HPSE2: variants seen among roughly 807,000 people sequenced by gnomAD.
The protein encoded by HPSE2 is heparanase 2 (inactive).
A neutral mutation model predicts 60.5 loss-of-function variants in HPSE2; 38 were observed. The observed-to-expected ratio is 0.63, with a 90% CI of 0.48 to 0.82. The LOEUF is 0.82. Ranked by LOEUF, HPSE2 falls within the 40% of genes least tolerant of loss-of-function variation. HPSE2 has a pLI of 0.00. For synonymous variants in HPSE2, 295 were observed against 293.2 expected (o/e 1.01, Z -0.06); for missense variants, 713 against 740.4 (o/e 0.96, Z 0.43).
At chr10:98,951,627 T>C (rs1955359983) in intron 3 of HPSE2, among the ~76,000 whole-genome samples, 1 of 152,196 alleles carries the variant, frequency 6.6e-6, no homozygotes, top group South Asian at 2.1e-4. Context: ...GTGGCTTTAC[T>C]GGAAAATGGG....
Position 98,566,334 on chromosome 10 carries a change from C to T in HPSE2, c.1320+48570G>A, listed in dbSNP as rs549179005. Among the ~76,000 whole-genome samples the T allele has an allele frequency of 2.6e-5, 4 of 152,250 alleles. No individual in the cohort carries two copies. The South Asian group carries it at 6.2e-4, about 24-fold the overall frequency. ...TAATGACTTAACATGTGATCTTCTTCGTGGGTATTTCCATTTTAACTGAGT... is the reference window on the plus strand; with the variant it reads ...TAATGACTTAACATGTGATCTTCTTTGTGGGTATTTCCATTTTAACTGAGT... On this transcript the variant is annotated intron_variant, in intron 9 of 11. Coordinates refer to ENST00000370552, the MANE Select transcript of HPSE2 (RefSeq NM_021828.5).
rs575480131 is a variant in HPSE2 at position 98,541,992 on chromosome 10, A to T, written c.1321-51796T>A. Reference sequence around the variant, plus strand: ...TGGTTCTCCCAGCACGCAGCTGGAGATCTGAGAACGGGCAGACTGCCTCCT... The same window carrying T: ...TGGTTCTCCCAGCACGCAGCTGGAGTTCTGAGAACGGGCAGACTGCCTCCT... On this transcript the variant is annotated intron_variant, in intron 9 of 11. Transcript: ENST00000370552. Among the ~76,000 whole-genome samples the T allele has an allele frequency of 6.3e-3, 858 of 136,934 alleles. 5 individuals are homozygous for T. Among genetic ancestry groups the T allele is most frequent in the South Asian group, 0.022 (77 of 3,564 alleles). The allele number at this position is 136,934 out of a possible 152,430, so 89.8% of individuals were successfully genotyped here.
intron 3 of HPSE2, among the ~76,000 whole-genome samples, chr10:99,118,897 T>A (rs1194560174): frequency 6.6e-6 from 1 of 151,766 alleles, no homozygotes; most frequent in Non-Finnish European, 1.5e-5. Flanking sequence ...GGCACCTGTA[T>A]TCCCAGCTAC....
At chr10:98,468,652 T>C (rs1274122761) in intron 11 of HPSE2, among the ~76,000 whole-genome samples, 3 of 152,118 alleles carry the variant, frequency 2.0e-5, no homozygotes, top group Non-Finnish European at 4.4e-5. Context: ...CAATTTTCAA[T>C]AGTATGCGGC....
At chr10:99,288,665 T>C in the HPSE2 span, among the ~76,000 whole-genome samples, 1 of 136,782 alleles carries the variant, frequency 7.3e-6, no homozygotes, top group Non-Finnish European at 1.5e-5. Flanking sequence ...CACTGGGAAC[T>C]ATACAGCTGT....
intron 3 of HPSE2, among the ~76,000 whole-genome samples, chr10:98,927,321 C>T (rs536660897): frequency 1.0e-3 from 157 of 152,154 alleles, no homozygotes; most frequent in Non-Finnish European, 1.9e-3. Flanking sequence ...TAAACCACTG[C>T]TCAAGGAAAT....
At chr10:98,812,099 T>C (rs1273308254) in intron 3 of HPSE2, among the ~76,000 whole-genome samples, 1 of 152,156 alleles carries the variant, frequency 6.6e-6, no homozygotes, top group Non-Finnish European at 1.5e-5. Flanking sequence ...TTTCATTTGA[T>C]TTGTGTGGTT....
At chr10:99,235,908 T>A, upstream of HPSE2, 1 of 872,652 alleles carries the variant, frequency 1.1e-6, no homozygotes, top group Non-Finnish European at 1.9e-6. Flanking sequence ...TTTTTTTCCC[T>A]TCCTCCCACC....
At position 98,482,699 on chromosome 10, in the gene HPSE2, A is replaced by G; in HGVS notation, c.1550T>C (p.Leu517Pro). The G allele has an allele frequency of 6.2e-7, 1 of 1,614,198 alleles. No homozygotes were observed. Among genetic ancestry groups the G allele is most frequent in the Non-Finnish European group, 8.5e-7 (1 of 1,180,036 alleles). Residue 517 changes from leucine to proline, a missense_variant, in exon 11 of 12, where the codon CTC becomes CCC. Transcript: ENST00000370552. ...SRKKIKLAGT[L>P]RDKLVHQYLL... Reference sequence around the variant, plus strand: ...GTACTGGTGAACCAGCTTGTCTCTGAGAGTCCCAGCCAGCTTGATTTTCTT... The same window carrying G: ...GTACTGGTGAACCAGCTTGTCTCTGGGAGTCCCAGCCAGCTTGATTTTCTT...
chr10:99,072,033 T>C (rs1362995882), intron 3 of HPSE2, among the ~76,000 whole-genome samples: 2 of 152,088 alleles, frequency 1.3e-5, no homozygotes, highest in Non-Finnish European at 2.9e-5. Context: ...TTGTTTTTTT[T>C]TTTTTAATTG....
At chr10:99,139,353 G>A (rs1405557225) in intron 3 of HPSE2, among the ~76,000 whole-genome samples, 5 of 152,086 alleles carry the variant, frequency 3.3e-5, no homozygotes, top group South Asian at 2.1e-4. Flanking sequence ...CTCAAGTGAC[G>A]GGTGCACTAA....
intron 8 of HPSE2, among the ~76,000 whole-genome samples, chr10:98,616,336 C>A (rs2133977982): frequency 6.6e-6 from 1 of 152,246 alleles, no homozygotes; most frequent in East Asian, 1.9e-4. Context: ...CGCAAACACC[C>A]ATCACCATTC....
At chr10:98,489,102 C>T (rs1941549088) in intron 10 of HPSE2, among the ~76,000 whole-genome samples, 1 of 152,180 alleles carries the variant, frequency 6.6e-6, no homozygotes, top group South Asian at 2.1e-4. Context: ...TGGCTGGAGG[C>T]ACTTGCTTAC....
intron 3 of HPSE2, among the ~76,000 whole-genome samples, chr10:99,117,417 G>GA (rs1157232317): frequency 1.2e-4 from 3 of 24,816 alleles, no homozygotes; most frequent in Non-Finnish European, 1.2e-4. Flanking sequence ...TTGTTTTTTT[G>GA]AAAAAAAAAA....
At chr10:99,161,012 T>G (rs1381350551) in intron 2 of HPSE2, among the ~76,000 whole-genome samples, 1 of 151,540 alleles carries the variant, frequency 6.6e-6, no homozygotes, top group Non-Finnish European at 1.5e-5. Context: ...GGCCAGAAGT[T>G]TGACACCACA....
chr10:98,611,744 T>C (rs928202920), intron 9 of HPSE2, among the ~76,000 whole-genome samples: 1 of 152,320 alleles, frequency 6.6e-6, no homozygotes, highest in East Asian at 1.9e-4. Context: ...TCTCTACTTA[T>C]AAGGTGCAGA....
intron 3 of HPSE2, among the ~76,000 whole-genome samples, chr10:98,812,579 T>C (rs1484121311): frequency 2.0e-5 from 3 of 152,182 alleles, no homozygotes; most frequent in Non-Finnish European, 4.4e-5. Context: ...TAAAATTTTT[T>C]GGTAGTCCTA....
chr10:98,735,770 A>C (rs1304234571), intron 4 of HPSE2, among the ~76,000 whole-genome samples: 6 of 152,174 alleles, frequency 3.9e-5, no homozygotes, highest in Non-Finnish European at 8.8e-5. Flanking sequence ...TATTTTGGCT[A>C]ATTTCTCCCA....
intron 3 of HPSE2, among the ~76,000 whole-genome samples, chr10:98,841,759 A>C (rs1427439455): frequency 6.6e-6 from 1 of 152,026 alleles, no homozygotes; most frequent in Non-Finnish European, 1.5e-5. Context: ...ATCTTCCCCC[A>C]GTGGAATGTA....
Sources: allele counts gnomAD v4.1 joint callset (sites outside exome capture counted in the v4.1 genomes callset), GRCh38; gene constraint gnomAD v4.1.1; transcripts MANE v1.5; gene names NCBI Gene and HGNC (gene_info 2026-07-23, HGNC 2026-07-21).